The following ZNF804B variants were observed in gnomAD, a reference collection of about 807,000 sequenced individuals.
ZNF804B encodes zinc finger protein 804B.
ZNF804B carries 80 observed loss-of-function variants against 101.4 expected under a neutral mutation model. The observed-to-expected ratio is 0.79, with a 90% confidence interval of 0.66 to 0.95. ZNF804B has a LOEUF of 0.95. Ranked by LOEUF, ZNF804B falls within the 40% of genes least tolerant of loss-of-function variation. The pLI is 0.00. For synonymous variants in ZNF804B, 622 were observed against 558.8 expected, an observed-to-expected ratio of 1.11 and a Z score of -1.59; for missense variants, 1,673 against 1,561.9, an observed-to-expected ratio of 1.07 and a Z score of -1.20.
chr7:88,997,892 C>T (rs953981550), intron 1 of ZNF804B, among the ~76,000 whole-genome samples: 38 of 152,010 alleles, frequency 2.5e-4, no homozygotes, highest in African/African-American at 4.8e-5. Flanking sequence ...ATGATCTATC[C>T]CTTTTCAGAA....
chr7:89,262,195 G>A lies in ZNF804B; in HGVS notation c.249+43900G>A, dbSNP rs569636509. 2.0e-4 allele frequency among the ~76,000 whole-genome samples: 31 copies of A among 152,310 alleles called. No individual in the cohort carries two copies. In the South Asian group the frequency reaches 6.0e-3, roughly 29 times the overall value. On this transcript the variant is annotated intron_variant, in intron 2 of 3. Coordinates refer to ENST00000333190, the MANE Select transcript of ZNF804B (RefSeq NM_181646.5). ...GGAGAAAAAGAATCTATCAAGTAGA[G>A]CTGGATCAAGTGTAATTTTGGTTTG...
intron 1 of ZNF804B, among the ~76,000 whole-genome samples, chr7:88,876,998 G>GAAAAAA (rs1161171786): frequency 3.3e-4 from 18 of 53,870 alleles, no homozygotes; most frequent in African/African-American, 2.1e-3. Flanking sequence ...GAGAATATTT[G>GAAAAAA]AAAAAAAAAA....
intron 1 of ZNF804B, among the ~76,000 whole-genome samples, chr7:88,789,188 T>G (rs1210570995): frequency 6.6e-6 from 1 of 152,068 alleles, no homozygotes; most frequent in African/African-American, 2.4e-5. Context: ...AAGAACTAGT[T>G]TTTTTGTATA....
intron 1 of ZNF804B, chr7:88,795,793 A>C (rs1343584392): frequency 6.6e-6 from 1 of 152,160 alleles, no homozygotes; most frequent in African/African-American, 2.4e-5. Context: ...TGTCAGCACC[A>C]TTAAAGGACC....
intron 1 of ZNF804B, among the ~76,000 whole-genome samples, chr7:89,044,544 C>G (rs1268154867): frequency 2.0e-5 from 3 of 152,068 alleles, no homozygotes; most frequent in Admixed American, 2.0e-4. Context: ...TTGGGACTTC[C>G]TAGAGACTTG....
Position 89,282,987 on chromosome 7 carries a change from ATATGT to A in ZNF804B, c.250-44353_250-44349del, listed in dbSNP as rs569520429. Among the ~76,000 whole-genome samples the A allele has an allele frequency of 2.0e-5, 3 of 152,308 alleles. No homozygotes were observed. In the East Asian group the frequency reaches 5.8e-4, roughly 29 times the overall value. Reference sequence around the variant, plus strand: ...GTTTTAAGCTACCAAGTTTGTAGTGATATGTTATATCAGCCATAGGAAATTAATAC... The same window carrying A: ...GTTTTAAGCTACCAAGTTTGTAGTGATATATCAGCCATAGGAAATTAATAC... On this transcript the variant is annotated intron_variant, in intron 2 of 3. Transcript: ENST00000333190.
At chr7:89,048,762 G>A (rs182071188) in intron 1 of ZNF804B, among the ~76,000 whole-genome samples, 1 of 151,918 alleles carries the variant, frequency 6.6e-6, no homozygotes, top group East Asian at 1.9e-4. Context: ...TTTAGTACAG[G>A]TCTCGTCATT....
intron 2 of ZNF804B, among the ~76,000 whole-genome samples, chr7:89,222,095 G>C (rs1175795539): frequency 6.6e-6 from 1 of 151,954 alleles, no homozygotes. Context: ...GAAGCTAACT[G>C]TGTACTCAAG....
At chr7:89,237,703 A>G (rs1240151340) in intron 2 of ZNF804B, among the ~76,000 whole-genome samples, 3 of 152,148 alleles carry the variant, frequency 2.0e-5, no homozygotes, top group African/African-American at 7.2e-5. Flanking sequence ...CTCCAGAGAA[A>G]CTGGACCATA....
intron 2 of ZNF804B, among the ~76,000 whole-genome samples, chr7:89,303,595 T>C (rs556207082): frequency 2.7e-4 from 41 of 152,064 alleles, no homozygotes; most frequent in Non-Finnish European, 2.9e-4. Flanking sequence ...AACATCAGGA[T>C]GTAGATGCAA....
At chr7:89,114,839 C>A (rs551399497) in intron 1 of ZNF804B, among the ~76,000 whole-genome samples, 1 of 152,106 alleles carries the variant, frequency 6.6e-6, no homozygotes, top group South Asian at 2.1e-4. Flanking sequence ...TTGGGAACTT[C>A]GAGAGGGTCT....
intron 1 of ZNF804B, among the ~76,000 whole-genome samples, chr7:88,926,763 C>T (rs1792806107): frequency 6.6e-6 from 1 of 152,096 alleles, no homozygotes; most frequent in African/African-American, 2.4e-5. Flanking sequence ...AACATTGAAA[C>T]ATACATGATG....
At chr7:88,964,524 G>A (rs1793429233) in intron 1 of ZNF804B, among the ~76,000 whole-genome samples, 1 of 151,436 alleles carries the variant, frequency 6.6e-6, no homozygotes, top group African/African-American at 2.4e-5. Flanking sequence ...GAGTCAGGAG[G>A]AAAGATGGTG....
chr7:89,228,740 G>T (rs572130471), intron 2 of ZNF804B, among the ~76,000 whole-genome samples: 1 of 152,352 alleles, frequency 6.6e-6, no homozygotes, highest in African/African-American at 2.4e-5. Context: ...AGGTGGAGCT[G>T]CCTGCCAGTC....
intron 1 of ZNF804B, among the ~76,000 whole-genome samples, chr7:88,921,813 G>A (rs888327553): frequency 1.3e-5 from 2 of 151,994 alleles, no homozygotes; most frequent in Non-Finnish European, 2.9e-5. Flanking sequence ...ACATGGTATA[G>A]CAAGATGTCA....
In ZNF804B at chr7:89,335,549, C is replaced by G; in HGVS notation, c.2567C>G (p.Ser856Cys). 1 of 1,613,918 alleles carries G rather than the reference C, an allele frequency of 6.2e-7. No homozygotes were observed. Among genetic ancestry groups the G allele is most frequent in the Non-Finnish European group, 8.5e-7 (1 of 1,179,946 alleles). Residue 856 changes from serine (S) to cysteine (C), a missense_variant, in exon 4 of 4, where the codon TCT becomes TGT. Physicochemically the swap from Ser to Cys is moderately radical, Grantham distance 112. Coordinates refer to ENST00000333190, the MANE Select transcript of ZNF804B (RefSeq NM_181646.5). ...GGAACTCAGCACGACAGATTGGACTCTTACTCAATAGAGAAAATGTATTAC... is the reference window on the plus strand; with the variant it reads ...GGAACTCAGCACGACAGATTGGACTGTTACTCAATAGAGAAAATGTATTAC... ...CQGTQHDRLD[S>C]YSIEKMYYLN...
At chr7:88,856,485 A>G (rs1048574369) in intron 1 of ZNF804B, among the ~76,000 whole-genome samples, 7 of 152,158 alleles carry the variant, frequency 4.6e-5, no homozygotes, top group Non-Finnish European at 1.5e-5. Flanking sequence ...GAAGTTGCCT[A>G]TCAGCTTAAG....
intron 1 of ZNF804B, among the ~76,000 whole-genome samples, chr7:88,875,388 A>G (rs1282384458): frequency 6.6e-6 from 1 of 152,166 alleles, no homozygotes; most frequent in Non-Finnish European, 1.5e-5. Context: ...TTTTGAAAGG[A>G]TCAACAAAAT....
intron 1 of ZNF804B, among the ~76,000 whole-genome samples, chr7:88,924,656 T>C (rs1792769537): frequency 6.6e-6 from 1 of 152,176 alleles, no homozygotes; most frequent in Non-Finnish European, 1.5e-5. Context: ...GAAATTTACA[T>C]GGCTCACTCA....
Sources: gnomAD v4.1 joint callset for allele counts (sites outside exome capture counted in the v4.1 genomes callset) on GRCh38, gnomAD v4.1.1 for gene constraint, MANE v1.5 for transcripts, NCBI Gene and HGNC (gene_info 2026-07-23, HGNC 2026-07-21) for gene names.